TEX10: variants seen among roughly 807,000 people sequenced by gnomAD.
The protein encoded by TEX10 is testis-expressed protein 10.
Under a neutral mutation model 104.4 loss-of-function variants are expected in TEX10, and 24 were observed. That is an observed-to-expected ratio of 0.23 (90% CI 0.17 to 0.32). The LOEUF (loss-of-function observed/expected upper bound fraction) is 0.32. Ranked by LOEUF, TEX10 falls within the 10% of genes least tolerant of loss-of-function variation. TEX10 has a pLI of 1.00. For missense variants in TEX10, 921 were observed against 1,083.9 expected (o/e 0.85, Z 2.11); for synonymous variants, 396 against 393.4 (o/e 1.01, Z -0.08).
At chr9:100,304,163 G>T in intron 13 of TEX10, 1 of 359,454 alleles carries the variant, frequency 2.8e-6, no homozygotes, top group South Asian at 3.0e-5. Flanking sequence ...TGTTAAAATG[G>T]CCACACTGCT....
intron 13 of TEX10, chr9:100,305,950 G>A (rs1834132172): frequency 1.3e-5 from 2 of 152,176 alleles, no homozygotes; most frequent in African/African-American, 4.8e-5. Context: ...ATACAAGTCT[G>A]TTCAACTTGC....
At chr9:100,307,073 G>A (rs1023790878) in intron 13 of TEX10, 8 of 152,078 alleles carry the variant, frequency 5.3e-5, no homozygotes, top group South Asian at 2.1e-4. Context: ...GAAAACTATC[G>A]TCGAATTTAT....
chr9:100,308,367 G>T, intron 13 of TEX10, 133 bp downstream of exon 13: 1 of 696,880 alleles, frequency 1.4e-6, no homozygotes, highest in Non-Finnish European at 2.1e-6. Context: ...AGCTAGCTAG[G>T]CTGACACAAA....
At chr9:100,339,055 ACCAG>A (rs1835088527) in intron 5 of TEX10, among the ~76,000 whole-genome samples, 1 of 151,428 alleles carries the variant, frequency 6.6e-6, no homozygotes, top group Non-Finnish European at 1.5e-5. Context: ...GGAGTTCAAG[ACCAG>A]CCTGGCCAAT....
chr9:100,325,063 T>C (rs886492408), intron 9 of TEX10, among the ~76,000 whole-genome samples: 1 of 152,182 alleles, frequency 6.6e-6, no homozygotes, highest in Non-Finnish European at 1.5e-5. Flanking sequence ...TTTTTCTCTG[T>C]TTTGGTAAAA....
At chr9:100,311,851 A>C (rs1299568913) in intron 11 of TEX10, among the ~76,000 whole-genome samples, 2 of 152,194 alleles carry the variant, frequency 1.3e-5, no homozygotes, top group African/African-American at 4.8e-5. Context: ...TCACATGAAA[A>C]AACAAGAATG....
intron 4 of TEX10, among the ~76,000 whole-genome samples, chr9:100,341,792 G>A (rs1418116730): frequency 6.6e-6 from 1 of 152,204 alleles, no homozygotes; most frequent in East Asian, 1.9e-4. Context: ...ATACATGTAG[G>A]ACAGGACTGG....
chr9:100,343,345 A>AAAAAAG (rs925656694), intron 4 of TEX10, among the ~76,000 whole-genome samples: 4 of 151,172 alleles, frequency 2.6e-5, no homozygotes, highest in Non-Finnish European at 4.4e-5. Context: ...GCAAAAAAAA[A>AAAAAAG]AAAGAAAGAA....
chr9:100,342,976 T>C (rs976908437), intron 4 of TEX10, among the ~76,000 whole-genome samples: 3 of 151,200 alleles, frequency 2.0e-5, no homozygotes, highest in African/African-American at 7.3e-5. Flanking sequence ...TGAAACTCCG[T>C]CTCTACTAAA....
chr9:100,309,829 T>C (rs893768782), intron 12 of TEX10, among the ~76,000 whole-genome samples: 15 of 152,184 alleles, frequency 9.9e-5, no homozygotes, highest in Non-Finnish European at 4.4e-5. Flanking sequence ...CCAATGGAAA[T>C]GAGACATCCA....
chr9:100,338,348 C>T (rs980052411), intron 5 of TEX10, among the ~76,000 whole-genome samples: 2 of 152,148 alleles, frequency 1.3e-5, no homozygotes, highest in Non-Finnish European at 2.9e-5. Flanking sequence ...CCAGCCAGCA[C>T]CCGCTTTTCA....
intron 12 of TEX10, 93 bp from the exon 13 acceptor site, chr9:100,308,774 A>G (rs2118831610): frequency 8.1e-7 from 1 of 1,233,280 alleles, no homozygotes; most frequent in Non-Finnish European, 1.1e-6. Context: ...TTAACTTTAC[A>G]TTATTTCTAC....
In TEX10 at chr9:100,339,245, C is replaced by CAAAAAAAAAA. The variant is rs1182764934; in HGVS notation, c.1250+1002_1250+1011dup. Reference sequence around the variant, plus strand: ...TGGGAAACAGAGTGAGACTCCATCTCAAAAAAAAAAAAAAAAAAAAAAAAA... The same window carrying CAAAAAAAAAA: ...TGGGAAACAGAGTGAGACTCCATCTCAAAAAAAAAAAAAAAAAAAAAAAAAAAAAAAAAAA... On this transcript the variant is annotated intron_variant, in intron 5 of 14. Transcript: ENST00000374902. Among the ~76,000 whole-genome samples the CAAAAAAAAAA allele has an allele frequency of 2.7e-4, 8 of 29,398 alleles. 1 individual carries two copies. Among genetic ancestry groups the CAAAAAAAAAA allele is most frequent in the African/African-American group, 9.9e-4 (8 of 8,088 alleles). 19.3% of individuals were successfully genotyped at this position (29,398 alleles called of 152,430 possible).
chr9:100,329,738 G>C (rs577289197), intron 6 of TEX10, among the ~76,000 whole-genome samples, 193 bp downstream of exon 6: 1 of 151,858 alleles, frequency 6.6e-6, no homozygotes, highest in Non-Finnish European at 1.5e-5. Flanking sequence ...CTTCAGAGTG[G>C]ACCTACCCAC....
intron 1 of TEX10, among the ~76,000 whole-genome samples, chr9:100,350,935 C>T (rs1835424970): frequency 6.6e-6 from 1 of 152,160 alleles, no homozygotes; most frequent in Non-Finnish European, 1.5e-5. Flanking sequence ...TACACTGTCC[C>T]AATTTCTATC....
intron 8 of TEX10, 92 bp from the exon 9 acceptor site, chr9:100,326,571 G>T: frequency 8.0e-7 from 1 of 1,249,140 alleles, no homozygotes. Flanking sequence ...ATTGAATTAT[G>T]GGCTAACATT....
chr9:100,313,240 C>T (rs1045125560), intron 11 of TEX10, among the ~76,000 whole-genome samples: 1 of 152,178 alleles, frequency 6.6e-6, no homozygotes, highest in African/African-American at 2.4e-5. Context: ...AGTGGCCGGG[C>T]ATGGTGGCTC....
chr9:100,350,234 CAAG>C (rs948156935), intron 1 of TEX10, among the ~76,000 whole-genome samples: 4 of 152,148 alleles, frequency 2.6e-5, no homozygotes, highest in Non-Finnish European at 4.4e-5. Flanking sequence ...CCACTACTTT[CAAG>C]AAGTCCTTTA....
chr9:100,344,153 T>A (rs1377383447), intron 4 of TEX10, among the ~76,000 whole-genome samples: 1 of 152,226 alleles, frequency 6.6e-6, no homozygotes, highest in Non-Finnish European at 1.5e-5. Flanking sequence ...TGGATGTTTT[T>A]AAATATTATT....
Sources: allele counts gnomAD v4.1 joint callset (sites outside exome capture counted in the v4.1 genomes callset), GRCh38; gene constraint gnomAD v4.1.1; transcripts MANE v1.5; gene names NCBI Gene and HGNC (gene_info 2026-07-23, HGNC 2026-07-21).